The following EDC4 variants were observed in gnomAD, a reference collection of about 807,000 sequenced individuals.
EDC4 encodes enhancer of mRNA-decapping protein 4.
A neutral mutation model predicts 155.8 loss-of-function variants in EDC4; 64 were observed. The ratio of observed to expected loss-of-function variants is 0.41; its 90% CI spans 0.34 to 0.51. The LOEUF is 0.51. Ranked by LOEUF, EDC4 falls within the 20% of genes least tolerant of loss-of-function variation. The probability of loss-of-function intolerance (pLI) is 0.19; values close to 1 mark genes in which losing one functional copy is unlikely to be tolerated. For synonymous variants in EDC4, 684 were observed against 716.8 expected (o/e 0.95, Z 0.73); for missense variants, 1,303 against 1,812.5 (o/e 0.72, Z 5.10).
Position 67,877,769 on chromosome 16 carries a change from G to C in EDC4, c.818G>C (p.Arg273Pro). ...RAEVWDLDMLRSSHSTWPVDV... is the reference protein window; with the variant it reads ...RAEVWDLDMLPSSHSTWPVDV... ...GAGGTGTGGGACCTGGACATGCTCCGCTCCAGCCACAGTACCTGGCCTGTG... is the reference window on the plus strand; with the variant it reads ...GAGGTGTGGGACCTGGACATGCTCCCCTCCAGCCACAGTACCTGGCCTGTG... The change falls in exon 7 of 29, where the codon CGC (arginine) becomes CCC (proline). Residue 273 changes from arginine to proline, a missense_variant. By Grantham distance (103) the Arg-to-Pro change is moderately radical. Transcript: ENST00000358933. The surrounding 1 kb of genome is among the most constrained non-coding windows in gnomAD (Gnocchi z 4.9). The C allele has an allele frequency of 6.2e-7, 1 of 1,614,120 alleles. No homozygotes were observed. The highest frequency in any genetic ancestry group is 8.5e-7 in the Non-Finnish European group (1 of 1,180,034).
Position 67,880,346 on chromosome 16 carries a change from G to T in EDC4, c.2097+130G>T. 7.0e-7 allele frequency: 1 copy of T among 1,425,020 alleles called. No homozygotes were observed. Among genetic ancestry groups the T allele is most frequent in the Non-Finnish European group, 9.4e-7 (1 of 1,068,178 alleles). 88.3% of individuals were successfully genotyped at this position (1,425,020 alleles called of 1,614,324 possible). ...CCGACATGGTCCGTGTTTCCCTGAG[G>T]TCATTTCACCCTCCTGTGTTTCCTG... is the stretch of plus-strand genomic sequence containing the variant. On this transcript the variant is annotated intron_variant, in intron 17 of 28. Coordinates refer to ENST00000358933, the MANE Select transcript of EDC4 (RefSeq NM_014329.5). This position sits in a 1 kb window ranked among gnomAD's most constrained non-coding sequence, Gnocchi z 5.2.
intron 1 of EDC4, 108 bp downstream of exon 1, chr16:67,873,451 C>T: frequency 1.1e-6 from 1 of 921,604 alleles, no homozygotes; most frequent in Non-Finnish European, 1.5e-6. Context: ...TCTGGATCCT[C>T]CCGGCGGGTA....
At position 67,879,593 on chromosome 16, in the gene EDC4, G is replaced by T; in HGVS notation, c.1640G>T (p.Gly547Val). The change falls in exon 15 of 29, where the codon GGA becomes GTA. Residue 547 changes from glycine to valine, a missense_variant. Physicochemically the swap from Gly to Val is moderately radical, Grantham distance 109. This residue lies in a region of EDC4 where 391 missense variants were observed against 445.4 expected (regional missense o/e 0.88). Transcript: ENST00000358933. This position sits in a 1 kb window ranked among gnomAD's most constrained non-coding sequence, Gnocchi z 6.0. ...GTGGCAACTTGCCCTGCAGCATTTG[G>T]AGAGTCTCGGCCCGAACTGGGCTCT... Reference protein sequence around the residue: ...THTAHEDFTFGESRPELGSEG... With the variant: ...THTAHEDFTFVESRPELGSEG... The T allele has an allele frequency of 6.2e-7, 1 of 1,613,952 alleles. No individual in the cohort carries two copies. The highest frequency in any genetic ancestry group is 8.5e-7 in the Non-Finnish European group (1 of 1,179,898).
Position 67,879,454 on chromosome 16 carries a change from C to G in EDC4, c.1584C>G (p.Asn528Lys), listed in dbSNP as rs770947850. 6.2e-7 allele frequency: 1 copy of G among 1,614,182 alleles called. No homozygotes were observed. The highest frequency in any genetic ancestry group is 1.7e-5 in the Admixed American group (1 of 60,024). Residue 528 changes from asparagine (N) to lysine (K), a missense_variant, in exon 14 of 29, where the codon AAC becomes AAG. Asn to Lys is a moderately conservative substitution (Grantham distance 94). Coordinates refer to ENST00000358933, the MANE Select transcript of EDC4 (RefSeq NM_014329.5). The surrounding 1 kb of genome is among the most constrained non-coding windows in gnomAD (Gnocchi z 6.0). ...DVQIRFQPQLNPDVVAPLPTH... is the reference protein window; with the variant it reads ...DVQIRFQPQLKPDVVAPLPTH... ...AGATCCGCTTCCAGCCACAGCTGAACCCTGATGTGGTGGCCCCACTGCCCA... is the reference window on the plus strand; with the variant it reads ...AGATCCGCTTCCAGCCACAGCTGAAGCCTGATGTGGTGGCCCCACTGCCCA...
Position 67,880,853 on chromosome 16 carries a change from C to T in EDC4, c.2394C>T (p.Gly798=). 1 of 1,613,964 alleles carries T rather than the reference C, an allele frequency of 6.2e-7. No individual in the cohort carries two copies. Among genetic ancestry groups the T allele is most frequent in the Non-Finnish European group, 8.5e-7 (1 of 1,180,006 alleles). The change falls in exon 18 of 29, where the codon GGC becomes GGT. Residue 798 remains glycine (G), a synonymous_variant. Transcript: ENST00000358933. The surrounding 1 kb of genome is among the most constrained non-coding windows in gnomAD (Gnocchi z 5.2). The stretch of plus-strand genomic sequence containing the variant: ...GCCCCCAGCTCGGGCTTGATGGAGG[C>T]CCTGGGGATGGAGATCGGCATAATA... The part of the protein sequence containing the change: ...ELGPQLGLDG[G]PGDGDRHNTP...
In EDC4 at chr16:67,878,657, G is replaced by A; in HGVS notation, c.1184+26G>A. On this transcript the variant is annotated intron_variant, in intron 10 of 28. Transcript: ENST00000358933. This position sits in a 1 kb window ranked among gnomAD's most constrained non-coding sequence, Gnocchi z 5.2. Reference sequence around the variant, plus strand: ...GTAAGCAGTGGCTGGAAGGCTGGGGGACTGGGCAGGGGCGGCAGGGTTGGG... The same window carrying A: ...GTAAGCAGTGGCTGGAAGGCTGGGGAACTGGGCAGGGGCGGCAGGGTTGGG... 2 of 1,614,210 alleles carry A rather than the reference G, an allele frequency of 1.2e-6. No individual in the cohort carries two copies. Among genetic ancestry groups the A allele is most frequent in the South Asian group, 1.1e-5 (1 of 91,088 alleles).
In EDC4 at chr16:67,883,244, C is replaced by G. The variant is rs1356289066; in HGVS notation, c.3849+67C>G. 3.4e-6 allele frequency: 5 copies of G among 1,490,464 alleles called. No homozygotes were observed. The highest frequency in any genetic ancestry group is 4.5e-6 in the Non-Finnish European group (5 of 1,118,102). 92.3% of individuals were successfully genotyped at this position (1,490,464 alleles called of 1,614,324 possible). On this transcript the variant is annotated intron_variant, in intron 27 of 28. Coordinates refer to ENST00000358933, the MANE Select transcript of EDC4 (RefSeq NM_014329.5). This position sits in a 1 kb window ranked among gnomAD's most constrained non-coding sequence, Gnocchi z 5.3. ...TGACAAGGCCCACATACCATACATT[C>G]TACTCCACCCACCACCTTTGCACCT...
chr16:67,880,404 T>A lies in EDC4; in HGVS notation c.2098-153T>A, dbSNP rs570242237. 168 of 1,341,500 alleles carry A rather than the reference T, an allele frequency of 1.3e-4. No homozygotes were observed. In the African/African-American group the frequency reaches 2.1e-3, roughly 16 times the overall value. 83.1% of individuals were successfully genotyped at this position (1,341,500 alleles called of 1,614,324 possible). A position where few individuals can be genotyped will look rare whatever the true frequency, so the allele number is the denominator to read the frequency against. ...TCTCCTCAGCCTCCCTGTCCCCACC[T>A]CCTCTTCTTGGCTGTGGCCTCGTTT... On this transcript the variant is annotated intron_variant, in intron 17 of 28. Coordinates refer to ENST00000358933, the MANE Select transcript of EDC4 (RefSeq NM_014329.5). This position sits in a 1 kb window ranked among gnomAD's most constrained non-coding sequence, Gnocchi z 5.2.
chr16:67,879,612 G>A lies in EDC4; in HGVS notation c.1659G>A (p.Leu553=). The A allele has an allele frequency of 6.2e-7, 1 of 1,614,130 alleles. No individual in the cohort carries two copies. Among genetic ancestry groups the A allele is most frequent in the Middle Eastern group, 1.6e-4 (1 of 6,062 alleles). Residue 553 remains leucine (L), a synonymous_variant, in exon 15 of 29, where the codon CTG becomes CTA. Coordinates refer to ENST00000358933, the MANE Select transcript of EDC4 (RefSeq NM_014329.5). The surrounding 1 kb of genome is among the most constrained non-coding windows in gnomAD (Gnocchi z 6.0). ...DFTFGESRPE[L]GSEGLGSAAH... is the part of the protein sequence containing the mutation. ...CATTTGGAGAGTCTCGGCCCGAACT[G>A]GGCTCTGAGGGCCTGGGGTCAGCCG...
intron 1 of EDC4, among the ~76,000 whole-genome samples, chr16:67,874,157 G>A (rs530763745): frequency 1.3e-5 from 2 of 152,168 alleles, no homozygotes; most frequent in African/African-American, 2.4e-5. Context: ...ACAGGGGCTT[G>A]GGTGTCAGGA....
At position 67,881,950 on chromosome 16, in the gene EDC4, G is replaced by T. The variant is rs2292317; in HGVS notation, c.3005-4G>T. 7.9e-5 allele frequency: 127 copies of T among 1,606,810 alleles called. No individual in the cohort carries two copies. In the East Asian group the frequency reaches 2.8e-3, roughly 36 times the overall value. The stretch of plus-strand genomic sequence containing the variant: ...TCCAGGCCCGTTCCTTAGCTATGGC[G>T]CAGAGCGGCGGCTGGAGCGAGCACT... On this transcript the variant is annotated splice_polypyrimidine_tract_variant and splice_region_variant and intron_variant, in intron 22 of 28. Transcript: ENST00000358933. The surrounding 1 kb of genome is among the most constrained non-coding windows in gnomAD (Gnocchi z 5.4).
In EDC4 at chr16:67,880,329, G is replaced by C. The variant is rs1297332378; in HGVS notation, c.2097+113G>C. On this transcript the variant is annotated intron_variant, in intron 17 of 28. Transcript: ENST00000358933. The surrounding 1 kb of genome is among the most constrained non-coding windows in gnomAD (Gnocchi z 5.2). Reference sequence around the variant, plus strand: ...TGCTGATCCTGCTCTACCCGACATGGTCCGTGTTTCCCTGAGGTCATTTCA... The same window carrying C: ...TGCTGATCCTGCTCTACCCGACATGCTCCGTGTTTCCCTGAGGTCATTTCA... 2.0e-6 allele frequency: 3 copies of C among 1,466,292 alleles called. No individual in the cohort carries two copies. Among genetic ancestry groups the C allele is most frequent in the Non-Finnish European group, 2.7e-6 (3 of 1,102,968 alleles). The allele number at this position is 1,466,292 out of a possible 1,614,324, so 90.8% of individuals were successfully genotyped here.
chr16:67,877,701 G>A lies in EDC4; in HGVS notation c.790-40G>A, dbSNP rs752227301. On this transcript the variant is annotated intron_variant, in intron 6 of 28. Coordinates refer to ENST00000358933, the MANE Select transcript of EDC4 (RefSeq NM_014329.5). This position sits in a 1 kb window ranked among gnomAD's most constrained non-coding sequence, Gnocchi z 4.9. ...GAAGAGGCGCCAGAGAAGCCATAGT[G>A]TGGGGTTGGGCTGCACACTCACCTC... 1.7e-5 allele frequency: 28 copies of A among 1,614,152 alleles called. No homozygotes were observed. The South Asian group carries it at 2.6e-4, about 15-fold the overall frequency.
Position 67,882,167 on chromosome 16 carries a change from AAGC to A in EDC4, c.3161-44_3161-42del. The stretch of plus-strand genomic sequence containing the variant: ...TTCAGGTGGGAGTGGGGTACCTGTC[AAGC>A]TTCTTCTCATGGCTCCACCTCACCC... On this transcript the variant is annotated intron_variant, in intron 23 of 28. Transcript: ENST00000358933. This position sits in a 1 kb window ranked among gnomAD's most constrained non-coding sequence, Gnocchi z 7.2. The A allele has an allele frequency of 6.2e-7, 1 of 1,613,080 alleles. No homozygotes were observed. The highest frequency in any genetic ancestry group is 8.5e-7 in the Non-Finnish European group (1 of 1,179,632).
Position 67,884,492 on chromosome 16 carries a change from G to T in EDC4, c.*344G>T. On this transcript the variant is annotated 3_prime_UTR_variant, in exon 29 of 29. Transcript: ENST00000358933. The surrounding 1 kb of genome is among the most constrained non-coding windows in gnomAD (Gnocchi z 4.1). The stretch of plus-strand genomic sequence containing the variant: ...TGAGAAATTCAATTAAATGCTTTTG[G>T]AATAAAATGGAGTATGTGTGTGCTT... 2.0e-6 allele frequency: 1 copy of T among 488,272 alleles called. No individual in the cohort carries two copies. Among genetic ancestry groups the T allele is most frequent in the Non-Finnish European group, 3.6e-6 (1 of 274,018 alleles). 30.2% of individuals were successfully genotyped at this position (488,272 alleles called of 1,614,324 possible). A position where few individuals can be genotyped will look rare whatever the true frequency, so the allele number is the denominator to read the frequency against.
chr16:67,876,850 CTT>C lies in EDC4; in HGVS notation c.352-20_352-19del, dbSNP rs1256940334. On this transcript the variant is annotated intron_variant, in intron 3 of 28. Coordinates refer to ENST00000358933, the MANE Select transcript of EDC4 (RefSeq NM_014329.5). The surrounding 1 kb of genome is among the most constrained non-coding windows in gnomAD (Gnocchi z 5.8). ...CCTAGGCTCTGGGGAAGTTCCATGACTTTTCTCACCCTGGGTTCTCAGGTGAA... is the reference window on the plus strand; with the variant it reads ...CCTAGGCTCTGGGGAAGTTCCATGACTTCTCACCCTGGGTTCTCAGGTGAA... 5 of 1,612,114 alleles carry C rather than the reference CTT, an allele frequency of 3.1e-6. No individual in the cohort carries two copies. The African/African-American group carries it at 6.7e-5, about 22-fold the overall frequency.
Position 67,878,383 on chromosome 16 carries a change from A to AT in EDC4, c.1029dup (p.Asp344Ter). ...AGGTGTCTGCACGAGTGGAAACCTCATGATGGGCGGCCCCTCTCCTGCCTC... is the reference window on the plus strand; with the variant it reads ...AGGTGTCTGCACGAGTGGAAACCTCATTGATGGGCGGCCCCTCTCCTGCCTC... On this transcript the variant is annotated frameshift_variant, in exon 9 of 29. Transcript: ENST00000358933. LOFTEE classifies it high-confidence loss of function. The surrounding 1 kb of genome is among the most constrained non-coding windows in gnomAD (Gnocchi z 5.2). The AT allele has an allele frequency of 6.2e-7, 1 of 1,614,198 alleles. No individual in the cohort carries two copies. Among genetic ancestry groups the AT allele is most frequent in the Non-Finnish European group, 8.5e-7 (1 of 1,180,032 alleles).
Position 67,881,792 on chromosome 16 carries a change from GCA to G in EDC4, c.2954_2955del (p.Thr985SerfsTer10), listed in dbSNP as rs1284841889. ...TGTACCCAACTCGAAGGCCTGCAGA[GCA>G]CAGTCACAGGCCACGTAGAACGTGC... On this transcript the variant is annotated frameshift_variant, in exon 22 of 29. Coordinates refer to ENST00000358933, the MANE Select transcript of EDC4 (RefSeq NM_014329.5). LOFTEE classifies it high-confidence loss of function. The surrounding 1 kb of genome is among the most constrained non-coding windows in gnomAD (Gnocchi z 5.4). The G allele has an allele frequency of 6.2e-7, 1 of 1,614,136 alleles. No homozygotes were observed. Among genetic ancestry groups the G allele is most frequent in the Admixed American group, 1.7e-5 (1 of 60,026 alleles).
chr16:67,878,925 T>C lies in EDC4; in HGVS notation c.1288-32T>C. 1 of 1,610,758 alleles carries C rather than the reference T, an allele frequency of 6.2e-7. No individual in the cohort carries two copies. Among genetic ancestry groups the C allele is most frequent in the Non-Finnish European group, 8.5e-7 (1 of 1,179,264 alleles). On this transcript the variant is annotated intron_variant, in intron 11 of 28. Coordinates refer to ENST00000358933, the MANE Select transcript of EDC4 (RefSeq NM_014329.5). This position sits in a 1 kb window ranked among gnomAD's most constrained non-coding sequence, Gnocchi z 5.2. ...GTGGCGCATCACAGCCCTTAGCCTCTGAGCTCAGCTAGGAACGTTCTGCCT... is the reference window on the plus strand; with the variant it reads ...GTGGCGCATCACAGCCCTTAGCCTCCGAGCTCAGCTAGGAACGTTCTGCCT...
Sources: allele counts gnomAD v4.1 joint callset (sites outside exome capture counted in the v4.1 genomes callset), GRCh38; gene constraint gnomAD v4.1.1; regional missense constraint gnomAD v4.1.1; non-coding constraint Gnocchi (gnomAD v3.1); transcripts MANE v1.5; gene names NCBI Gene and HGNC (gene_info 2026-07-23, HGNC 2026-07-21).